Variants in RANBP17 observed in about 807,000 individuals in gnomAD.
The protein encoded by RANBP17 is ran-binding protein 17.
A neutral mutation model predicts 141.2 loss-of-function variants in RANBP17; 158 were observed. The observed-to-expected ratio is 1.12, with a 90% CI of 0.98 to 1.28. The LOEUF is 1.28. Among genes scored for constraint, RANBP17 ranks in the 50% most tolerant of loss-of-function variants. The pLI is 0.00. For synonymous variants in RANBP17, 430 were observed against 450.0 expected, an observed-to-expected ratio of 0.96 and a Z score of 0.56; for missense variants, 1,438 against 1,290.7, an observed-to-expected ratio of 1.11 and a Z score of -1.75.
intron 7 of RANBP17, among the ~76,000 whole-genome samples, chr5:170,911,899 C>T (rs78961741): frequency 9.9e-5 from 15 of 151,902 alleles, no homozygotes; most frequent in East Asian, 3.9e-4. Context: ...ATGGGGCTGA[C>T]GGGGTTTGAT....
chr5:170,983,446 A>C (rs545574130), intron 14 of RANBP17, among the ~76,000 whole-genome samples: 1 of 152,350 alleles, frequency 6.6e-6, no homozygotes, highest in Admixed American at 6.5e-5. Context: ...GAATTGAATC[A>C]TAGTACCATG....
intron 24 of RANBP17, among the ~76,000 whole-genome samples, chr5:171,245,463 C>T (rs1203349029): frequency 1.3e-5 from 2 of 151,968 alleles, no homozygotes; most frequent in South Asian, 2.1e-4. Flanking sequence ...TACAGGCATG[C>T]ACCACCACAC....
At chr5:171,245,592 G>T (rs1765164316) in intron 24 of RANBP17, among the ~76,000 whole-genome samples, 1 of 152,182 alleles carries the variant, frequency 6.6e-6, no homozygotes, top group Admixed American at 6.5e-5. Context: ...GGGATTATAG[G>T]CATGAGCCAC....
chr5:170,921,428 T>G (rs577925487), intron 11 of RANBP17, among the ~76,000 whole-genome samples: 17 of 152,066 alleles, frequency 1.1e-4, no homozygotes, highest in African/African-American at 4.1e-4. Context: ...GAGGCCTCTG[T>G]TCTGTTCCAT....
intron 1 of RANBP17, among the ~76,000 whole-genome samples, chr5:170,875,093 G>T (rs1476895117): frequency 6.6e-6 from 1 of 152,128 alleles, no homozygotes; most frequent in East Asian, 1.9e-4. Context: ...ACGAAGCTTA[G>T]TTTGGCCAGA....
chr5:171,110,306 T>G lies in RANBP17; in HGVS notation c.1711-59824T>G, dbSNP rs188121047. 4.7e-3 allele frequency among the ~76,000 whole-genome samples: 721 copies of G among 152,166 alleles called. 4 individuals are homozygous for G. The highest frequency in any genetic ancestry group is 0.017 in the African/African-American group (700 of 41,534). On this transcript the variant is annotated intron_variant, in intron 14 of 27. Transcript: ENST00000523189. ...ATGAAGATTAATTATATATTAATAA[T>G]AATATATTTGGAGTTTAAGTAAACA...
At chr5:171,271,785 T>C (rs1440376215) in intron 25 of RANBP17, among the ~76,000 whole-genome samples, 5 of 152,162 alleles carry the variant, frequency 3.3e-5, no homozygotes, top group South Asian at 2.1e-4. Flanking sequence ...AATTGGAAAA[T>C]AGGAACTCAA....
intron 14 of RANBP17, among the ~76,000 whole-genome samples, chr5:171,067,128 C>T (rs970519076): frequency 6.6e-6 from 1 of 151,940 alleles, no homozygotes; most frequent in African/African-American, 2.4e-5. Context: ...GATATTTTTT[C>T]TAGTGCCAGT....
At position 171,240,865 on chromosome 5, in the gene RANBP17, G is replaced by A. The variant is rs1035955530; in HGVS notation, c.2423-63G>A. 6.8e-6 allele frequency: 7 copies of A among 1,035,272 alleles called. No individual in the cohort carries two copies. The Admixed American group carries it at 1.0e-4, about 15-fold the overall frequency. 64.1% of individuals were successfully genotyped at this position (1,035,272 alleles called of 1,614,324 possible). A position where few individuals can be genotyped will look rare whatever the true frequency, so the allele number is the denominator to read the frequency against. On this transcript the variant is annotated intron_variant, in intron 22 of 27. Transcript: ENST00000523189. ...CAGTAAAGTAAAAATGTTAAATAGTGTGTCCCATAACTACTTTGAATGACA... is the reference window on the plus strand; with the variant it reads ...CAGTAAAGTAAAAATGTTAAATAGTATGTCCCATAACTACTTTGAATGACA...
In RANBP17 at chr5:170,999,164, A is replaced by G. The variant is rs1032830429; in HGVS notation, c.1710+30787A>G. Reference sequence around the variant, plus strand: ...TTTTCTTAAATCATTGCATTAATTGATTTTTCACAAGTAGAGCCTATATCA... The same window carrying G: ...TTTTCTTAAATCATTGCATTAATTGGTTTTTCACAAGTAGAGCCTATATCA... On this transcript the variant is annotated intron_variant, in intron 14 of 27. Transcript: ENST00000523189. Among the ~76,000 whole-genome samples, 93 of 151,948 alleles carry G rather than the reference A, an allele frequency of 6.1e-4. 1 individual carries two copies. The highest frequency in any genetic ancestry group is 2.2e-4 in the Non-Finnish European group (15 of 67,946).
At chr5:171,202,372 A>G (rs1388790416) in intron 19 of RANBP17, among the ~76,000 whole-genome samples, 1 of 152,188 alleles carries the variant, frequency 6.6e-6, no homozygotes, top group African/African-American at 2.4e-5. Context: ...TGATTTGGTC[A>G]TGACATCATC....
At chr5:171,229,384 T>A (rs1764069847) in intron 22 of RANBP17, among the ~76,000 whole-genome samples, 1 of 152,102 alleles carries the variant, frequency 6.6e-6, no homozygotes, top group African/African-American at 2.4e-5. Context: ...TTGTTGAGCA[T>A]TTACTTTTTT....
intron 14 of RANBP17, among the ~76,000 whole-genome samples, chr5:170,973,714 A>C (rs956631984): frequency 3.3e-5 from 5 of 152,218 alleles, no homozygotes; most frequent in Non-Finnish European, 7.3e-5. Context: ...CAAATACCAT[A>C]AACAACAAAC....
chr5:171,190,316 C>T (rs967304436), intron 18 of RANBP17, among the ~76,000 whole-genome samples: 1 of 152,016 alleles, frequency 6.6e-6, no homozygotes, highest in Admixed American at 6.6e-5. Context: ...ATGAAAATGG[C>T]GGCGGGGCAG....
intron 14 of RANBP17, among the ~76,000 whole-genome samples, chr5:171,025,442 T>C (rs926726618): frequency 6.6e-6 from 1 of 152,196 alleles, no homozygotes; most frequent in African/African-American, 2.4e-5. Context: ...CATGTATTGT[T>C]TCTTTCTTGC....
chr5:171,104,825 A>G (rs1754669418), intron 14 of RANBP17, among the ~76,000 whole-genome samples: 1 of 152,222 alleles, frequency 6.6e-6, no homozygotes, highest in African/African-American at 2.4e-5. Flanking sequence ...ATGCTTGTTA[A>G]GAGTTAGTTA....
intron 1 of RANBP17, among the ~76,000 whole-genome samples, chr5:170,864,575 A>T (rs1348793493): frequency 6.6e-6 from 1 of 152,210 alleles, no homozygotes; most frequent in Admixed American, 6.5e-5. Context: ...ATTCCCTGAC[A>T]GGCAATCCAG....
chr5:171,199,776 G>A lies in RANBP17; in HGVS notation c.2142+3G>A, dbSNP rs748530137. The A allele has an allele frequency of 1.3e-6, 2 of 1,562,816 alleles. No individual in the cohort carries two copies. The highest frequency in any genetic ancestry group is 1.8e-6 in the Non-Finnish European group (2 of 1,140,504). On this transcript the variant is annotated splice_donor_region_variant and intron_variant, in intron 19 of 27. Transcript: ENST00000523189. Reference sequence around the variant, plus strand: ...ACTTTAAACAAGAAGATGTAAAGGTGGGTTTGTTTCCAAATATGAGGAATG... The same window carrying A: ...ACTTTAAACAAGAAGATGTAAAGGTAGGTTTGTTTCCAAATATGAGGAATG...
chr5:171,237,444 T>G (rs1369568670), intron 22 of RANBP17, among the ~76,000 whole-genome samples: 1 of 152,178 alleles, frequency 6.6e-6, no homozygotes, highest in African/African-American at 2.4e-5. Flanking sequence ...CCATTCCCCG[T>G]TATTGCCTTT....
Sources: allele counts gnomAD v4.1 joint callset (sites outside exome capture counted in the v4.1 genomes callset), GRCh38; gene constraint gnomAD v4.1.1; transcripts MANE v1.5; gene names NCBI Gene and HGNC (gene_info 2026-07-23, HGNC 2026-07-21).